RBFOX1: variants seen among roughly 807,000 people sequenced by gnomAD.
RBFOX1 encodes the protein RNA binding protein fox-1 homolog 1.
In RBFOX1, 8 loss-of-function variants were observed where a neutral mutation model predicts 57.7. The observed-to-expected ratio is 0.14, with a 90% CI of 0.08 to 0.25. The LOEUF (loss-of-function observed/expected upper bound fraction) is 0.25. Ranked by LOEUF, RBFOX1 falls within the 10% of genes least tolerant of loss-of-function variation. RBFOX1 has a pLI of 1.00. For synonymous variants in RBFOX1, 326 were observed against 222.4 expected (o/e 1.47, Z -4.15); for missense variants, 611 against 548.5 (o/e 1.11, Z -1.14).
At chr16:5,717,841 G>C (rs574257020) in intron 3 of RBFOX1, among the ~76,000 whole-genome samples, 3 of 152,212 alleles carry the variant, frequency 2.0e-5, no homozygotes, top group African/African-American at 7.2e-5. Flanking sequence ...ATGTCAGATA[G>C]ATAGGTATTT....
At chr16:7,078,640 A>C (rs935205792) in intron 4 of RBFOX1, among the ~76,000 whole-genome samples, 3 of 150,790 alleles carry the variant, frequency 2.0e-5, no homozygotes, top group African/African-American at 7.3e-5. Context: ...GAGCCACCAC[A>C]CCCAGCCCGA....
At chr16:7,112,378 A>AT (rs5815373) in intron 4 of RBFOX1, among the ~76,000 whole-genome samples, 53,248 of 139,094 alleles carry the variant, frequency 0.38, 10,397 homozygotes, top group South Asian at 0.47. Flanking sequence ...AATTTTTTGT[A>AT]TTTTTTTTTT....
At chr16:6,360,216 C>T (rs570079005) in intron 2 of RBFOX1, among the ~76,000 whole-genome samples, 1 of 151,898 alleles carries the variant, frequency 6.6e-6, no homozygotes, top group South Asian at 2.1e-4. Flanking sequence ...ATTTCTTATA[C>T]ATCATTGTGT....
chr16:6,010,374 A>T lies in RBFOX1; in HGVS notation c.351+143039A>T, dbSNP rs139249445. Among the ~76,000 whole-genome samples the T allele has an allele frequency of 2.2e-3, 342 of 152,244 alleles. 2 individuals are homozygous for T. Among genetic ancestry groups the T allele is most frequent in the African/African-American group, 8.0e-3 (332 of 41,558 alleles). ...GTGGGGTTGGGTGAAAACTCTGGGGAGTATGTTTTATACTAGCTCCAAGAA... is the reference window on the plus strand; with the variant it reads ...GTGGGGTTGGGTGAAAACTCTGGGGTGTATGTTTTATACTAGCTCCAAGAA... On this transcript the variant is annotated intron_variant, in intron 4 of 19. Coordinates refer to the RBFOX1 transcript ENST00000641259.
intron 3 of RBFOX1, among the ~76,000 whole-genome samples, chr16:6,757,273 A>G: frequency 6.6e-6 from 1 of 152,134 alleles, no homozygotes; most frequent in Non-Finnish European, 1.5e-5. Context: ...AACTACCATA[A>G]AATCCAGCAA....
intron 2 of RBFOX1, among the ~76,000 whole-genome samples, chr16:6,562,003 T>A (rs1355691453): frequency 6.6e-6 from 1 of 152,186 alleles, no homozygotes; most frequent in Non-Finnish European, 1.5e-5. Flanking sequence ...TGTGTAGAGA[T>A]CATTATGAGG....
Position 6,097,137 on chromosome 16 carries a change from C to T in RBFOX1, c.-127+77145C>T, listed in dbSNP as rs1027246031. ...TGATAAGGGGAAATCGCTTTCACTT[C>T]GTTCTTATATTCTTTCCTGTCTGCT... On this transcript the variant is annotated intron_variant, in intron 1 of 15. Transcript: ENST00000550418. The surrounding 1 kb of genome is among the most constrained non-coding windows in gnomAD (Gnocchi z 5.0). 6.6e-6 allele frequency among the ~76,000 whole-genome samples: 1 copy of T among 152,112 alleles called. No individual in the cohort carries two copies. Among genetic ancestry groups the T allele is most frequent in the African/African-American group, 2.4e-5 (1 of 41,418 alleles).
chr16:7,369,695 T>TG (rs2097533035), intron 4 of RBFOX1, among the ~76,000 whole-genome samples: 1 of 152,172 alleles, frequency 6.6e-6, no homozygotes, highest in African/African-American at 2.4e-5. Flanking sequence ...AGGGGCTATT[T>TG]GCCATGGTGT....
At chr16:5,703,272 G>T (rs916189988) in intron 3 of RBFOX1, among the ~76,000 whole-genome samples, 2 of 152,204 alleles carry the variant, frequency 1.3e-5, no homozygotes, top group Admixed American at 6.5e-5. Flanking sequence ...TTGGGAAAAG[G>T]CTTTCTGGAG....
intron 3 of RBFOX1, among the ~76,000 whole-genome samples, chr16:7,038,794 C>T (rs866154267): frequency 2.0e-5 from 3 of 152,096 alleles, no homozygotes; most frequent in East Asian, 1.9e-4. Flanking sequence ...ACCTGGGGGA[C>T]TTCTTTTGTT....
In RBFOX1 at chr16:6,450,775, A is replaced by ATATACATATACATATATATATG. The variant is rs1567302687; in HGVS notation, c.-64+133722_-64+133723insCATATACATATATATATGTATA. ...TATACATATATATATGTGTATATATATATATATATATATACATATATATAT... is the reference window on the plus strand; with the variant it reads ...TATACATATATATATGTGTATATATATATACATATACATATATATATGTATATATATATATACATATATATAT... On this transcript the variant is annotated intron_variant, in intron 2 of 15. Coordinates refer to ENST00000550418, the MANE Select transcript of RBFOX1 (RefSeq NM_018723.4). Among the ~76,000 whole-genome samples, 16 of 35,208 alleles carry ATATACATATACATATATATATG rather than the reference A, an allele frequency of 4.5e-4. 2 individuals are homozygous for ATATACATATACATATATATATG. Among genetic ancestry groups the ATATACATATACATATATATATG allele is most frequent in the Admixed American group, 1.2e-3 (3 of 2,566 alleles). The allele number at this position is 35,208 out of a possible 152,430, so 23.1% of individuals were successfully genotyped here.
intron 4 of RBFOX1, among the ~76,000 whole-genome samples, chr16:7,505,235 G>C (rs2072865563): frequency 7.2e-6 from 1 of 138,946 alleles, no homozygotes; most frequent in African/African-American, 3.0e-5. Context: ...AGGCAACAGT[G>C]ATGGACCAAA....
intron 2 of RBFOX1, among the ~76,000 whole-genome samples, chr16:5,481,948 C>T (rs1034225873): frequency 3.9e-5 from 6 of 152,172 alleles, no homozygotes; most frequent in African/African-American, 1.4e-4. Flanking sequence ...TTTAAAGACT[C>T]CATCACCAAA....
chr16:6,296,267 GA>G (rs2078091080), intron 1 of RBFOX1, among the ~76,000 whole-genome samples: 1 of 152,148 alleles, frequency 6.6e-6, no homozygotes, highest in Non-Finnish European at 1.5e-5. Context: ...GAAGAAAGGG[GA>G]TAAACATTTG....
chr16:6,932,371 T>C (rs1223974982), intron 3 of RBFOX1, among the ~76,000 whole-genome samples: 1 of 152,152 alleles, frequency 6.6e-6, no homozygotes, highest in Non-Finnish European at 1.5e-5. Flanking sequence ...GCTCCCTAAG[T>C]GCTGGGATTA....
At chr16:5,579,978 C>A (rs1374547505) in intron 2 of RBFOX1, among the ~76,000 whole-genome samples, 1 of 152,152 alleles carries the variant, frequency 6.6e-6, no homozygotes, top group Admixed American at 6.5e-5. Flanking sequence ...ACCAACATGG[C>A]TGGACTGGTC....
intron 2 of RBFOX1, among the ~76,000 whole-genome samples, chr16:6,619,785 G>A (rs557671345): frequency 7.1e-6 from 1 of 140,886 alleles, no homozygotes; most frequent in South Asian, 2.3e-4. Flanking sequence ...GGGACTTGTT[G>A]TACAGATGAT....
intron 3 of RBFOX1, among the ~76,000 whole-genome samples, chr16:6,906,805 C>T (rs1445012669): frequency 1.3e-5 from 2 of 151,784 alleles, no homozygotes; most frequent in South Asian, 2.1e-4. Context: ...TCACTGCAAC[C>T]TCTACCTCCT....
At chr16:5,393,077 C>G (rs964233943) in intron 1 of RBFOX1, among the ~76,000 whole-genome samples, 2 of 152,050 alleles carry the variant, frequency 1.3e-5, no homozygotes, top group African/African-American at 4.8e-5. Flanking sequence ...AGAAGAGTGG[C>G]GAGGGTGGGG....
Sources: allele counts gnomAD v4.1 joint callset (sites outside exome capture counted in the v4.1 genomes callset), GRCh38; gene constraint gnomAD v4.1.1; non-coding constraint Gnocchi (gnomAD v3.1); transcripts MANE v1.5; gene names NCBI Gene and HGNC (gene_info 2026-07-23, HGNC 2026-07-21).